The following COL7A1 variants were observed in gnomAD, a reference collection of about 807,000 sequenced individuals.
COL7A1 encodes the protein collagen alpha-1(VII) chain.
Under a neutral mutation model 456.2 loss-of-function variants are expected in COL7A1, and 296 were observed. The ratio of observed to expected loss-of-function variants is 0.65; its 90% CI spans 0.59 to 0.71. The LOEUF (loss-of-function observed/expected upper bound fraction) is 0.71, where lower values mean the gene tolerates loss of function less well. COL7A1 is among the 30% of genes least tolerant of loss of function. The pLI, the probability that COL7A1 is intolerant of heterozygous loss-of-function variation, is 0.00. For missense variants in COL7A1, 3,441 were observed against 4,017.2 expected (o/e 0.86, Z 3.88); for synonymous variants, 1,464 against 1,525.9 (o/e 0.96, Z 0.95).
Position 48,579,877 on chromosome 3 carries a change from A to C in COL7A1, c.5125-63T>G, listed in dbSNP as rs1359936378. ...AAGGGGAAGAGGAGTTGGCGAGGGGATACAGGGTCTGTGAGGGGCTCCAGG... is the reference window on the plus strand; with the variant it reads ...AAGGGGAAGAGGAGTTGGCGAGGGGCTACAGGGTCTGTGAGGGGCTCCAGG... On this transcript the variant is annotated intron_variant, in intron 57 of 118. Transcript: ENST00000681320. The surrounding 1 kb of genome is among the most constrained non-coding windows in gnomAD (Gnocchi z 4.4). The C allele has an allele frequency of 6.2e-7, 1 of 1,612,486 alleles. No individual in the cohort carries two copies. Among genetic ancestry groups the C allele is most frequent in the Non-Finnish European group, 8.5e-7 (1 of 1,178,852 alleles).
rs2044113898 is a variant in COL7A1, at chr3:48,574,035, T to C, written c.6502-145A>G. On this transcript the variant is annotated intron_variant, in intron 80 of 118. Transcript: ENST00000681320. The surrounding 1 kb of genome is among the most constrained non-coding windows in gnomAD (Gnocchi z 5.0). ...ATACCTACCCATGGACTGCCTCTCA[T>C]AGATAGCACACACGGGCCTGCACAC... 4 of 1,169,568 alleles carry C rather than the reference T, an allele frequency of 3.4e-6. No homozygotes were observed. Among genetic ancestry groups the C allele is most frequent in the South Asian group, 1.3e-5 (1 of 74,560 alleles). 72.4% of individuals were successfully genotyped at this position (1,169,568 alleles called of 1,614,324 possible). A position where few individuals can be genotyped will look rare whatever the true frequency, so the allele number is the denominator to read the frequency against.
At position 48,573,156 on chromosome 3, in the gene COL7A1, C is replaced by T. The variant is rs367618947; in HGVS notation, c.6714+18G>A. The T allele has an allele frequency of 1.2e-6, 2 of 1,614,024 alleles. No individual in the cohort carries two copies. Among genetic ancestry groups the T allele is most frequent in the Non-Finnish European group, 1.7e-6 (2 of 1,179,932 alleles). ...TGAAAACACGGTGTCCCTACAGGGG[C>T]CACAGGGACTCACTCACCACAAGGC... is the stretch of plus-strand genomic sequence containing the variant. On this transcript the variant is annotated intron_variant, in intron 85 of 118. Coordinates refer to ENST00000681320, the MANE Select transcript of COL7A1 (RefSeq NM_000094.4). The surrounding 1 kb of genome is among the most constrained non-coding windows in gnomAD (Gnocchi z 5.5).
At position 48,583,761 on chromosome 3, in the gene COL7A1, C is replaced by A; in HGVS notation, c.4298G>T (p.Gly1433Val). Residue 1433 changes from glycine to valine, a missense_variant, in exon 40 of 119, where the codon GGA becomes GTA. Physicochemically the swap from Gly to Val is moderately radical, Grantham distance 109 (BLOSUM62 -3). Around this residue, in one of 3 missense-constraint regions of COL7A1, gnomAD observed 2,084 missense variants for 2,501.3 expected, o/e 0.83. Transcript: ENST00000681320. The surrounding 1 kb of genome is among the most constrained non-coding windows in gnomAD (Gnocchi z 5.1). Reference protein sequence around the residue: ...PGLPGLPGSPGPQGPVGPPGK... With the variant: ...PGLPGLPGSPVPQGPVGPPGK... Reference sequence around the variant, plus strand: ...AGGGGGGCCAACGGGGCCTTGGGGTCCAGGGCTTCCGGGAAGACCCTAGGA... The same window carrying A: ...AGGGGGGCCAACGGGGCCTTGGGGTACAGGGCTTCCGGGAAGACCCTAGGA... The A allele has an allele frequency of 6.2e-7, 1 of 1,613,940 alleles. No homozygotes were observed. Among genetic ancestry groups the A allele is most frequent in the Non-Finnish European group, 8.5e-7 (1 of 1,179,962 alleles).
chr3:48,565,576 A>G lies in COL7A1; in HGVS notation c.8440+60T>C. The G allele has an allele frequency of 6.2e-7, 1 of 1,614,046 alleles. No homozygotes were observed. Among genetic ancestry groups the G allele is most frequent in the Non-Finnish European group, 8.5e-7 (1 of 1,179,942 alleles). ...CAGCCAACCCCCCTGAGAGGACCCC[A>G]GTTGATAGGCAGGGCAGGGCCTGGG... On this transcript the variant is annotated intron_variant, in intron 115 of 118. Coordinates refer to ENST00000681320, the MANE Select transcript of COL7A1 (RefSeq NM_000094.4). The surrounding 1 kb of genome is among the most constrained non-coding windows in gnomAD (Gnocchi z 4.5).
chr3:48,565,537 A>G lies in COL7A1; in HGVS notation c.8441-41T>C, dbSNP rs2043566379. ...GGGGCCTCAGGGCCCTGAAGTCACCATGGGCAGCCATCCCAGCCAACCCCC... is the reference window on the plus strand; with the variant it reads ...GGGGCCTCAGGGCCCTGAAGTCACCGTGGGCAGCCATCCCAGCCAACCCCC... On this transcript the variant is annotated intron_variant, in intron 115 of 118. Transcript: ENST00000681320. This position sits in a 1 kb window ranked among gnomAD's most constrained non-coding sequence, Gnocchi z 4.5. The G allele has an allele frequency of 6.2e-7, 1 of 1,613,398 alleles. No homozygotes were observed. Among genetic ancestry groups the G allele is most frequent in the Non-Finnish European group, 8.5e-7 (1 of 1,179,376 alleles).
rs1365148358 is a variant in COL7A1 at position 48,584,732 on chromosome 3, A to G, written c.4047+2T>C. ...GGCCGCCTCCCTTCCCCCTTCACCT[A>G]CCGGCTCCCCCTTTGGGCCTCGAGG... On this transcript the variant is annotated splice_donor_variant, in intron 35 of 118. Coordinates refer to ENST00000681320, the MANE Select transcript of COL7A1 (RefSeq NM_000094.4). LOFTEE classifies it high-confidence loss of function. The G allele has an allele frequency of 6.2e-7, 1 of 1,613,646 alleles. No homozygotes were observed.
intron 71 of COL7A1, 123 bp downstream of exon 71, chr3:48,576,126 G>A: frequency 6.7e-7 from 1 of 1,492,394 alleles, no homozygotes; most frequent in Non-Finnish European, 9.2e-7. Flanking sequence ...AACCCCAATG[G>A]GGCAGGGCAC....
At position 48,574,895 on chromosome 3, in the gene COL7A1, G is replaced by A; in HGVS notation, c.6280-30C>T. 1 of 1,612,298 alleles carries A rather than the reference G, an allele frequency of 6.2e-7. No homozygotes were observed. Among genetic ancestry groups the A allele is most frequent in the Non-Finnish European group, 8.5e-7 (1 of 1,178,746 alleles). The stretch of plus-strand genomic sequence containing the variant: ...AAACACAAGGTCACAGGGGAGAGAT[G>A]TCTCTGTCATAGAGGCATGGGGGAG... On this transcript the variant is annotated intron_variant, in intron 76 of 118. Transcript: ENST00000681320. This position sits in a 1 kb window ranked among gnomAD's most constrained non-coding sequence, Gnocchi z 5.0.
chr3:48,583,234 A>C lies in COL7A1; in HGVS notation c.4438-63T>G. ...GGGTTGGTGGCGGGGCTTGAACGTCAAACCCCAGACAAGGGGTCCCAAACT... is the reference window on the plus strand; with the variant it reads ...GGGTTGGTGGCGGGGCTTGAACGTCCAACCCCAGACAAGGGGTCCCAAACT... On this transcript the variant is annotated intron_variant, in intron 42 of 118. Transcript: ENST00000681320. This position sits in a 1 kb window ranked among gnomAD's most constrained non-coding sequence, Gnocchi z 5.1. 1.2e-6 allele frequency: 2 copies of C among 1,608,030 alleles called. No homozygotes were observed. The highest frequency in any genetic ancestry group is 2.2e-5 in the South Asian group (2 of 90,630).
chr3:48,589,020 G>C, intron 18 of COL7A1, 25 bp from the exon 19 acceptor site: 1 of 1,613,126 alleles, frequency 6.2e-7, no homozygotes, highest in Non-Finnish European at 8.5e-7. Context: ...AAGGTAAGGG[G>C]TCCTGGTAGA....
intron 33 of COL7A1, 38 bp from the exon 34 acceptor site, chr3:48,584,983 C>T (rs921965572): frequency 1.9e-6 from 3 of 1,613,690 alleles, no homozygotes; most frequent in Non-Finnish European, 2.5e-6. Context: ...GTCGGAGCCA[C>T]CCCACCCACT....
Position 48,576,684 on chromosome 3 carries a change from G to A in COL7A1, c.5692C>T (p.Pro1898Ser). ...TGACCCAGGACACTCACCTGGCCAG[G>A]AGGGCCCACTGGCCCTGGGAGGCCT... Reference protein sequence around the residue: ...PPGLPGPVGPPGQGFPGVPGG... With the variant: ...PPGLPGPVGPSGQGFPGVPGG... Residue 1898 changes from proline to serine, a missense_variant, in exon 68 of 119, where the codon CCT (proline) becomes TCT (serine). By Grantham distance (74) the Pro-to-Ser change is moderately conservative (BLOSUM62 -1). Around this residue, in one of 3 missense-constraint regions of COL7A1, gnomAD observed 2,084 missense variants for 2,501.3 expected, o/e 0.83. Transcript: ENST00000681320. The A allele has an allele frequency of 6.2e-7, 1 of 1,606,154 alleles. No homozygotes were observed. Among genetic ancestry groups the A allele is most frequent in the Non-Finnish European group, 8.5e-7 (1 of 1,176,798 alleles).
chr3:48,579,060 C>G lies in COL7A1; in HGVS notation c.5389-106G>C, dbSNP rs1252056231. The G allele has an allele frequency of 4.5e-6, 7 of 1,560,992 alleles. No individual in the cohort carries two copies. The highest frequency in any genetic ancestry group is 5.3e-6 in the Non-Finnish European group (6 of 1,133,460). ...AAGAACATGCCCCACCCAGGCAGGG[C>G]TCTGGGAGAAGACACAGACAACAGG... On this transcript the variant is annotated intron_variant, in intron 62 of 118. Transcript: ENST00000681320. This position sits in a 1 kb window ranked among gnomAD's most constrained non-coding sequence, Gnocchi z 4.4.
chr3:48,574,732 G>A lies in COL7A1; in HGVS notation c.6349-11C>T. 6.2e-7 allele frequency: 1 copy of A among 1,613,992 alleles called. No individual in the cohort carries two copies. Among genetic ancestry groups the A allele is most frequent in the Non-Finnish European group, 8.5e-7 (1 of 1,180,028 alleles). On this transcript the variant is annotated splice_polypyrimidine_tract_variant and intron_variant, in intron 77 of 118. Transcript: ENST00000681320. This position sits in a 1 kb window ranked among gnomAD's most constrained non-coding sequence, Gnocchi z 5.0. ...GCTGCCCGGCTCCCCCTGTGGGGATGAGATGTCAAGTCAGTCCCTAGTGCC... is the reference window on the plus strand; with the variant it reads ...GCTGCCCGGCTCCCCCTGTGGGGATAAGATGTCAAGTCAGTCCCTAGTGCC...
In COL7A1 at chr3:48,590,183, G is replaced by C. The variant is rs376938111; in HGVS notation, c.2050+30C>G. On this transcript the variant is annotated intron_variant, in intron 16 of 118. Coordinates refer to ENST00000681320, the MANE Select transcript of COL7A1 (RefSeq NM_000094.4). The surrounding 1 kb of genome is among the most constrained non-coding windows in gnomAD (Gnocchi z 4.6). Reference sequence around the variant, plus strand: ...GGGGTCTGAAAGAGCAATGGAGGCAGAGAGCCAAGGGACGGGGGCAGGGCC... The same window carrying C: ...GGGGTCTGAAAGAGCAATGGAGGCACAGAGCCAAGGGACGGGGGCAGGGCC... 4 of 1,607,646 alleles carry C rather than the reference G, an allele frequency of 2.5e-6. No homozygotes were observed. In the African/African-American group the frequency reaches 5.3e-5, roughly 21 times the overall value.
rs1553849789 is a variant in COL7A1 at position 48,566,691 on chromosome 3, AC to A, written c.8272del (p.Val2758SerfsTer28). On this transcript the variant is annotated frameshift_variant, in exon 112 of 119. Coordinates refer to ENST00000681320, the MANE Select transcript of COL7A1 (RefSeq NM_000094.4). LOFTEE classifies it high-confidence loss of function. This position sits in a 1 kb window ranked among gnomAD's most constrained non-coding sequence, Gnocchi z 5.9. Reference protein sequence around the residue: ...PGERVVGAPGVPGAPGERGEQ... With the variant: ...PGERVVGAPGXPGAPGERGEQ... ...CCCTCTCTCGCCAGGAGCTCCAGGG[AC>A]CCCAGGAGCCCCCACCACTCTCTCT... 6.2e-7 allele frequency: 1 copy of A among 1,613,122 alleles called. No homozygotes were observed. The highest frequency in any genetic ancestry group is 2.2e-5 in the East Asian group (1 of 44,808).
In COL7A1 at chr3:48,573,561, G is replaced by C. The variant is rs765119803; in HGVS notation, c.6574-4C>G. On this transcript the variant is annotated splice_polypyrimidine_tract_variant and splice_region_variant and intron_variant, in intron 82 of 118. Coordinates refer to ENST00000681320, the MANE Select transcript of COL7A1 (RefSeq NM_000094.4). The surrounding 1 kb of genome is among the most constrained non-coding windows in gnomAD (Gnocchi z 5.5). ...GTCCTGCAGGGCCAGCAAGACCCTA[G>C]AGAAAAGGGTCAAGGGCAGGGAACA... 50 of 1,614,086 alleles carry C rather than the reference G, an allele frequency of 3.1e-5. No individual in the cohort carries two copies. The highest frequency in any genetic ancestry group is 4.2e-5 in the Non-Finnish European group (49 of 1,180,014).
chr3:48,575,810 C>T lies in COL7A1; in HGVS notation c.5856+57G>A, dbSNP rs1212860372. The T allele has an allele frequency of 1.1e-5, 17 of 1,613,856 alleles. No individual in the cohort carries two copies. The highest frequency in any genetic ancestry group is 1.4e-5 in the Non-Finnish European group (16 of 1,179,982). ...TCGCCGCAGCCCCTATGCCTGTGGG[C>T]ACCACTAGCCCCAAGGGCCCCCACT... is the stretch of plus-strand genomic sequence containing the variant. On this transcript the variant is annotated intron_variant, in intron 72 of 118. Transcript: ENST00000681320. This position sits in a 1 kb window ranked among gnomAD's most constrained non-coding sequence, Gnocchi z 6.3.
Position 48,576,512 on chromosome 3 carries a change from C to A in COL7A1, c.5736+10G>T. 1 of 1,612,136 alleles carries A rather than the reference C, an allele frequency of 6.2e-7. No individual in the cohort carries two copies. Among genetic ancestry groups the A allele is most frequent in the Non-Finnish European group, 8.5e-7 (1 of 1,179,390 alleles). On this transcript the variant is annotated intron_variant, in intron 69 of 118. Transcript: ENST00000681320. ...CCTCACCACGCCCCCTACCCAACAT[C>A]CGCACTCACCTTGGGGCCCGTGCCT...
Sources: allele counts gnomAD v4.1 joint callset, GRCh38; gene constraint gnomAD v4.1.1; regional missense constraint gnomAD v4.1.1; non-coding constraint Gnocchi (gnomAD v3.1); transcripts MANE v1.5; gene names NCBI Gene and HGNC (gene_info 2026-07-23, HGNC 2026-07-21).